Variants in RIMS2 observed in about 807,000 individuals in gnomAD.
RIMS2 encodes the protein regulating synaptic membrane exocytosis protein 2.
In RIMS2, 59 loss-of-function variants were observed where a neutral mutation model predicts 174.4. The ratio of observed to expected loss-of-function variants is 0.34; its 90% CI spans 0.27 to 0.42. The LOEUF (loss-of-function observed/expected upper bound fraction) is 0.42, where lower values mean the gene tolerates loss of function less well. RIMS2 is among the 10% of genes least tolerant of loss of function. RIMS2 has a pLI of 1.00. For synonymous variants in RIMS2, 606 were observed against 572.5 expected, an observed-to-expected ratio of 1.06 and a Z score of -0.84; for missense variants, 1,620 against 1,666.3, an observed-to-expected ratio of 0.97 and a Z score of 0.48.
chr8:103,706,496 T>G (rs2097229602), intron 2 of RIMS2, among the ~76,000 whole-genome samples: 1 of 152,148 alleles, frequency 6.6e-6, no homozygotes, highest in East Asian at 1.9e-4. Flanking sequence ...CTAGTGGTAA[T>G]GAATTCCCTC....
At chr8:103,778,078 A>G (rs1277343112) in intron 3 of RIMS2, among the ~76,000 whole-genome samples, 1 of 152,074 alleles carries the variant, frequency 6.6e-6, no homozygotes, top group Non-Finnish European at 1.5e-5. Context: ...TTCATAGGTT[A>G]GAAGTAAAAA....
In RIMS2 at chr8:103,574,121, T is replaced by C. The variant is rs74748593; in HGVS notation, c.176+73059T>C. 7.1e-3 allele frequency among the ~76,000 whole-genome samples: 1,074 copies of C among 152,200 alleles called. 21 individuals are homozygous for C. Among genetic ancestry groups the C allele is most frequent in the African/African-American group, 0.024 (1,013 of 41,512 alleles). Reference sequence around the variant, plus strand: ...AAGTGTTTCATCTGGCCAGTGTATGTATGCTTCATTCTTTTGCAAGTTGAA... The same window carrying C: ...AAGTGTTTCATCTGGCCAGTGTATGCATGCTTCATTCTTTTGCAAGTTGAA... On this transcript the variant is annotated intron_variant, in intron 1 of 23. Transcript: ENST00000504942.
intron 4 of RIMS2, among the ~76,000 whole-genome samples, chr8:103,903,845 T>A (rs895018649): frequency 1.3e-5 from 2 of 152,122 alleles, no homozygotes; most frequent in African/African-American, 4.8e-5. Flanking sequence ...GATTTTTACT[T>A]TGAAGTATTT....
At chr8:104,203,229 T>C (rs2137123877) in intron 19 of RIMS2, among the ~76,000 whole-genome samples, 1 of 152,220 alleles carries the variant, frequency 6.6e-6, no homozygotes, top group African/African-American at 2.4e-5. Context: ...TTAATATATT[T>C]TTATACCAAA....
At chr8:103,905,760 C>T (rs1179988619) in intron 4 of RIMS2, among the ~76,000 whole-genome samples, 3 of 143,496 alleles carry the variant, frequency 2.1e-5, no homozygotes, top group Admixed American at 6.9e-5. Flanking sequence ...CTTGAGGCTC[C>T]GTTCATTTTC....
chr8:103,928,518 C>T lies in RIMS2; in HGVS notation c.2244+629C>T, dbSNP rs192553275. 1.1e-3 allele frequency among the ~76,000 whole-genome samples: 167 copies of T among 151,280 alleles called. 1 individual carries two copies. The highest frequency in any genetic ancestry group is 3.9e-3 in the African/African-American group (161 of 41,422). Reference sequence around the variant, plus strand: ...ATACTTGGGTACAAGTTGTTTGCCTCTTTTCATTAGGAAACCCTTATATGG... The same window carrying T: ...ATACTTGGGTACAAGTTGTTTGCCTTTTTTCATTAGGAAACCCTTATATGG... On this transcript the variant is annotated intron_variant, in intron 11 of 23. Coordinates refer to ENST00000504942, the Ensembl canonical transcript of RIMS2.
intron 3 of RIMS2, among the ~76,000 whole-genome samples, chr8:103,771,758 A>G (rs118130655): frequency 0.015 from 2,282 of 152,200 alleles, 28 homozygotes; most frequent in Non-Finnish European, 0.021. Flanking sequence ...ATTCTCTTTC[A>G]CTATTTTTTT....
At chr8:103,962,934 GGTATTGTA>G in intron 15 of RIMS2, among the ~76,000 whole-genome samples, 1 of 151,994 alleles carries the variant, frequency 6.6e-6, no homozygotes, top group Non-Finnish European at 1.5e-5. Flanking sequence ...TTAGGATGAT[GGTATTGTA>G]GTTTCTGAAA....
At position 103,776,254 on chromosome 8, in the gene RIMS2, T is replaced by A. The variant is rs562727147; in HGVS notation, c.698+9717T>A. ...CACAAGACAGCTAACATTTCTTGTTTAAGGACAGGATGAAGGTACCACTAC... is the reference window on the plus strand; with the variant it reads ...CACAAGACAGCTAACATTTCTTGTTAAAGGACAGGATGAAGGTACCACTAC... On this transcript the variant is annotated intron_variant, in intron 3 of 23. Coordinates refer to ENST00000504942, the Ensembl canonical transcript of RIMS2. 5.9e-5 allele frequency among the ~76,000 whole-genome samples: 9 copies of A among 152,226 alleles called. No individual in the cohort carries two copies. In the South Asian group the frequency reaches 1.9e-3, roughly 32 times the overall value.
chr8:104,003,393 G>A (rs953928360), intron 17 of RIMS2, among the ~76,000 whole-genome samples: 3 of 151,944 alleles, frequency 2.0e-5, no homozygotes, highest in Non-Finnish European at 1.5e-5. Flanking sequence ...TGGAATGATA[G>A]AGAGTGTTCC....
chr8:103,890,553 T>A (rs1326944297), intron 4 of RIMS2, among the ~76,000 whole-genome samples: 1 of 152,064 alleles, frequency 6.6e-6, no homozygotes. Context: ...TTTTGCGCAC[T>A]CTGTATGTCT....
chr8:104,046,221 T>A (rs1264937853), intron 19 of RIMS2, among the ~76,000 whole-genome samples: 2 of 151,986 alleles, frequency 1.3e-5, no homozygotes, highest in Non-Finnish European at 1.5e-5. Context: ...GACCACCATC[T>A]TTTTTTCCCT....
chr8:103,573,612 T>G (rs2092998478), intron 1 of RIMS2, among the ~76,000 whole-genome samples: 1 of 152,212 alleles, frequency 6.6e-6, no homozygotes, highest in Non-Finnish European at 1.5e-5. Context: ...TTGGTTATTA[T>G]AGCCCTGTAG....
chr8:104,101,001 T>TATATTAC (rs1566394832), intron 19 of RIMS2, among the ~76,000 whole-genome samples: 14 of 138,906 alleles, frequency 1.0e-4, no homozygotes, highest in African/African-American at 3.8e-4. Context: ...GTATATGTTA[T>TATATTAC]ATATGATATA....
At chr8:103,685,827 T>C (rs981509538) in intron 1 of RIMS2, among the ~76,000 whole-genome samples, 2 of 152,198 alleles carry the variant, frequency 1.3e-5, no homozygotes, top group Non-Finnish European at 2.9e-5. Flanking sequence ...GTTTTTCACA[T>C]AAATTTTAGA....
exon 24 of RIMS2, chr8:104,251,761 A>G (rs2140324920): frequency 6.2e-7 from 1 of 1,613,234 alleles, no homozygotes; most frequent in Non-Finnish European, 8.5e-7. Context: ...CCCTCTGACA[A>G]GAAGAGCTTC....
At chr8:104,222,934 G>T (rs1292356910) in intron 19 of RIMS2, among the ~76,000 whole-genome samples, 1 of 152,172 alleles carries the variant, frequency 6.6e-6, no homozygotes, top group Non-Finnish European at 1.5e-5. Context: ...GAGTAAAAGA[G>T]AAAGCTTTAA....
At chr8:103,502,579 T>C (rs1779763599) in intron 1 of RIMS2, among the ~76,000 whole-genome samples, 1 of 152,136 alleles carries the variant, frequency 6.6e-6, no homozygotes, top group African/African-American at 2.4e-5. Context: ...CTCTAACTAA[T>C]AGAAGAATAA....
intron 2 of RIMS2, among the ~76,000 whole-genome samples, chr8:103,703,803 G>C (rs748337601): frequency 2.0e-5 from 3 of 152,000 alleles, no homozygotes; most frequent in Admixed American, 2.0e-4. Flanking sequence ...TGCTGCTGGC[G>C]TAGAGAAATG....
Sources: allele counts gnomAD v4.1 joint callset (sites outside exome capture counted in the v4.1 genomes callset), GRCh38; gene constraint gnomAD v4.1.1; transcripts MANE v1.5; gene names NCBI Gene and HGNC (gene_info 2026-07-23, HGNC 2026-07-21).